The following DYM variants were observed in gnomAD, a reference collection of about 807,000 sequenced individuals.
The protein encoded by DYM is dymeclin.
A neutral mutation model predicts 93.1 loss-of-function variants in DYM; 78 were observed. The observed-to-expected ratio is 0.84, with a 90% confidence interval of 0.70 to 1.01. The LOEUF (loss-of-function observed/expected upper bound fraction) is 1.01, where lower values mean the gene tolerates loss of function less well. Ranked by LOEUF, DYM falls within the 50% of genes least tolerant of loss-of-function variation. The pLI, the probability that DYM is intolerant of heterozygous loss-of-function variation, is 0.00. For missense variants in DYM, 789 were observed against 845.0 expected (o/e 0.93, Z 0.82); for synonymous variants, 321 against 319.7 (o/e 1.00, Z -0.04).
intron 16 of DYM, among the ~76,000 whole-genome samples, chr18:49,110,079 T>C (rs2081253120): frequency 6.6e-6 from 1 of 152,252 alleles, no homozygotes; most frequent in African/African-American, 2.4e-5. Flanking sequence ...AAAGTTTTAT[T>C]GGAACATAGC....
At position 49,258,806 on chromosome 18, in the gene DYM, AC is replaced by A. The variant is rs1289336268; in HGVS notation, c.1252-314del. On this transcript the variant is annotated intron_variant, in intron 11 of 17. Coordinates refer to ENST00000675505, the MANE Select transcript of DYM (RefSeq NM_001353214.3). ...GACACACACACACACACACACACACACACACACACACACACAGAGACACACA... is the reference window on the plus strand; with the variant it reads ...GACACACACACACACACACACACACAACACACACACACACAGAGACACACA... Among the ~76,000 whole-genome samples the A allele has an allele frequency of 2.9e-5, 4 of 135,762 alleles. 1 individual carries two copies. Among genetic ancestry groups the A allele is most frequent in the African/African-American group, 5.6e-5 (2 of 35,810 alleles). 89.1% of individuals were successfully genotyped at this position (135,762 alleles called of 152,430 possible).
rs113670754 is a variant in DYM at position 49,410,515 on chromosome 18, C to CA, written c.141-18871dup. 1.0e-2 allele frequency among the ~76,000 whole-genome samples: 1,383 copies of CA among 138,976 alleles called. 35 individuals carry two copies. Among genetic ancestry groups the CA allele is most frequent in the South Asian group, 0.08 (358 of 4,470 alleles). The allele number at this position is 138,976 out of a possible 152,430, so 91.2% of individuals were successfully genotyped here. ...TGGTTGTATAATAACACCACAACCT[C>CA]AAAAAAAAAAAAAGTCTTATTATAT... On this transcript the variant is annotated intron_variant, in intron 2 of 17. Transcript: ENST00000675505.
chr18:49,156,038 C>A (rs2086376600), intron 15 of DYM, among the ~76,000 whole-genome samples: 1 of 152,206 alleles, frequency 6.6e-6, no homozygotes, highest in Admixed American at 6.5e-5. Context: ...AATTTCTCCA[C>A]ATCTTCACCA....
chr18:49,063,729 C>T (rs187557335), intron 17 of DYM, among the ~76,000 whole-genome samples: 2 of 148,470 alleles, frequency 1.3e-5, no homozygotes, highest in East Asian at 2.0e-4. Flanking sequence ...TGGGTTGAAG[C>T]GATTCTCCCA....
intron 1 of DYM, among the ~76,000 whole-genome samples, chr18:49,445,546 G>A (rs2082025772): frequency 6.6e-6 from 1 of 151,930 alleles, no homozygotes; most frequent in African/African-American, 2.4e-5. Flanking sequence ...AAAAACAGGA[G>A]GAGAAAAAAT....
At chr18:49,423,517 T>G (rs1192389511) in intron 2 of DYM, among the ~76,000 whole-genome samples, 1 of 152,150 alleles carries the variant, frequency 6.6e-6, no homozygotes, top group African/African-American at 2.4e-5. Flanking sequence ...TTTCAAAAGC[T>G]GGCAGAAGGC....
At chr18:49,140,666 C>T (rs2084383923) in intron 15 of DYM, among the ~76,000 whole-genome samples, 1 of 152,116 alleles carries the variant, frequency 6.6e-6, no homozygotes, top group Non-Finnish European at 1.5e-5. Flanking sequence ...TATCTATTAT[C>T]ATTAGACTCC....
At chr18:49,381,325 G>A (rs2068026447) in intron 3 of DYM, among the ~76,000 whole-genome samples, 1 of 152,152 alleles carries the variant, frequency 6.6e-6, no homozygotes, top group African/African-American at 2.4e-5. Context: ...ATGGGAATAA[G>A]TACAGCATTA....
intron 3 of DYM, among the ~76,000 whole-genome samples, chr18:49,386,168 T>C (rs1046644021): frequency 2.6e-5 from 4 of 152,106 alleles, no homozygotes; most frequent in South Asian, 4.1e-4. Context: ...AAAAAATTTC[T>C]CATGATTTTC....
chr18:49,226,553 C>A (rs548452493), intron 13 of DYM, among the ~76,000 whole-genome samples: 2 of 152,210 alleles, frequency 1.3e-5, no homozygotes, highest in East Asian at 3.9e-4. Context: ...TAAGCAAGGT[C>A]TAAAACTCCA....
chr18:49,276,885 A>G (rs1277857973), intron 10 of DYM, among the ~76,000 whole-genome samples: 1 of 152,204 alleles, frequency 6.6e-6, no homozygotes, highest in East Asian at 1.9e-4. Context: ...AGATGTTGCA[A>G]TAATTTTAGT....
chr18:49,282,812 C>T (rs1252468789), intron 9 of DYM, among the ~76,000 whole-genome samples: 2 of 151,924 alleles, frequency 1.3e-5, no homozygotes, highest in East Asian at 3.9e-4. Context: ...TACTTTGTTA[C>T]CAAAACTAAA....
chr18:49,345,683 C>G (rs1392089360), intron 6 of DYM, among the ~76,000 whole-genome samples: 2 of 152,000 alleles, frequency 1.3e-5, no homozygotes, highest in East Asian at 3.9e-4. Context: ...ACTAAATCAG[C>G]TTATAGATCC....
intron 2 of DYM, among the ~76,000 whole-genome samples, chr18:49,401,901 C>A (rs2070879335): frequency 6.6e-6 from 1 of 151,906 alleles, no homozygotes; most frequent in African/African-American, 2.4e-5. Context: ...TGATGCGCAC[C>A]TGTAATCCCA....
In DYM at chr18:49,406,888, T is replaced by C. The variant is rs143967646; in HGVS notation, c.141-15243A>G. 3.7e-3 allele frequency among the ~76,000 whole-genome samples: 563 copies of C among 152,362 alleles called. 10 individuals carry two copies. Among genetic ancestry groups the C allele is most frequent in the African/African-American group, 0.013 (535 of 41,580 alleles). On this transcript the variant is annotated intron_variant, in intron 2 of 17. Coordinates refer to ENST00000675505, the MANE Select transcript of DYM (RefSeq NM_001353214.3). ...AAACTTATGTTCACTCAAAAACTTG[T>C]ACATGAATTTCATAGCAACTTTATT...
chr18:49,066,330 C>A (rs898151499), intron 17 of DYM, among the ~76,000 whole-genome samples: 2 of 152,152 alleles, frequency 1.3e-5, no homozygotes, highest in African/African-American at 4.8e-5. Flanking sequence ...GCCCTCTCGG[C>A]GAGTTCTATC....
At chr18:49,450,512 C>A (rs1468867725) in intron 1 of DYM, among the ~76,000 whole-genome samples, 1 of 152,050 alleles carries the variant, frequency 6.6e-6, no homozygotes, top group African/African-American at 2.4e-5. Context: ...GTGTTTTAAA[C>A]CTCTAACATT....
At chr18:49,171,281 G>A (rs1323573608) in intron 14 of DYM, among the ~76,000 whole-genome samples, 1 of 152,116 alleles carries the variant, frequency 6.6e-6, no homozygotes, top group Non-Finnish European at 1.5e-5. Context: ...GGGTGTGGAG[G>A]TTCTGTCTTT....
chr18:49,311,880 A>T (rs74669817), intron 8 of DYM, among the ~76,000 whole-genome samples: 5 of 143,100 alleles, frequency 3.5e-5, no homozygotes, highest in African/African-American at 7.8e-5. Context: ...TATAATAATT[A>T]AAAAAAAAAA....
Sources: gnomAD v4.1 joint callset for allele counts (sites outside exome capture counted in the v4.1 genomes callset) on GRCh38, gnomAD v4.1.1 for gene constraint, MANE v1.5 for transcripts, NCBI Gene and HGNC (gene_info 2026-07-23, HGNC 2026-07-21) for gene names.